TIMP3: variants seen among roughly 807,000 people sequenced by gnomAD.
TIMP3 encodes the protein metalloproteinase inhibitor 3.
Under a neutral mutation model 30.0 loss-of-function variants are expected in TIMP3, and 11 were observed. The observed-to-expected ratio is 0.37, with a 90% CI of 0.23 to 0.61. The LOEUF is 0.61. Ranked by LOEUF, TIMP3 falls within the 20% of genes least tolerant of loss-of-function variation. The probability of loss-of-function intolerance (pLI) is 0.70; values close to 1 mark genes in which losing one functional copy is unlikely to be tolerated. For missense variants in TIMP3, 181 were observed against 276.8 expected (o/e 0.65, Z 2.45); for synonymous variants, 112 against 111.3 (o/e 1.01, Z -0.04).
chr22:32,813,532 CA>C (rs2046972241), intron 1 of TIMP3, among the ~76,000 whole-genome samples: 1 of 144,880 alleles, frequency 6.9e-6, no homozygotes, highest in African/African-American at 2.6e-5. Flanking sequence ...CACACACACA[CA>C]CACGTGGACC....
At chr22:32,803,781 T>C (rs1182872315) in intron 1 of TIMP3, among the ~76,000 whole-genome samples, 1 of 152,162 alleles carries the variant, frequency 6.6e-6, no homozygotes, top group Non-Finnish European at 1.5e-5. Context: ...GGAATCAGGG[T>C]GTGCAGGGGT....
At chr22:32,845,920 A>G (rs2146222132) in intron 1 of TIMP3, among the ~76,000 whole-genome samples, 1 of 152,320 alleles carries the variant, frequency 6.6e-6, no homozygotes, top group East Asian at 1.9e-4. Flanking sequence ...ACAAAATAGC[A>G]CACATTTGAA....
rs138167355 is a variant in TIMP3, at chr22:32,856,108, C to T, written c.205-1141C>T. ...CCCTCCCAGGGCTCTTTTAAGGATA[C>T]TGCAAGGAGAATGTGAGTGAGAATG... On this transcript the variant is annotated intron_variant, in intron 2 of 4. Transcript: ENST00000266085. Among the ~76,000 whole-genome samples, 31 of 152,266 alleles carry T rather than the reference C, an allele frequency of 2.0e-4. 1 individual carries two copies. The East Asian group carries it at 5.8e-3, about 29-fold the overall frequency.
intron 1 of TIMP3, among the ~76,000 whole-genome samples, chr22:32,839,153 C>T (rs1404083300): frequency 6.6e-6 from 1 of 151,940 alleles, no homozygotes; most frequent in Admixed American, 6.6e-5. Flanking sequence ...GGGCTGGAAG[C>T]TTCAGAGTGA....
intron 1 of TIMP3, among the ~76,000 whole-genome samples, chr22:32,830,069 G>A (rs753139935): frequency 1.3e-5 from 2 of 152,180 alleles, no homozygotes; most frequent in African/African-American, 2.4e-5. Flanking sequence ...TGGGGCAGCC[G>A]ACATTTCAGG....
In TIMP3 at chr22:32,802,025, C is replaced by G; in HGVS notation, c.24C>G (p.Ile8Met). The G allele has an allele frequency of 6.3e-7, 1 of 1,576,918 alleles. No individual in the cohort carries two copies. The change falls in exon 1 of 5, where the codon ATC (isoleucine) becomes ATG (methionine). Residue 8 changes from isoleucine to methionine, a missense_variant. Coordinates refer to ENST00000266085, the MANE Select transcript of TIMP3 (RefSeq NM_000362.5). MTPWLGL[I>M]VLLGSWSLGD... ...CAATGACCCCTTGGCTCGGGCTCAT[C>G]GTGCTCCTGGGCAGCTGGAGCCTGG...
In TIMP3 at chr22:32,819,375, C is replaced by T. The variant is rs190476976; in HGVS notation, c.121+17253C>T. 1.4e-3 allele frequency among the ~76,000 whole-genome samples: 216 copies of T among 152,322 alleles called. 2 individuals carry two copies. Among genetic ancestry groups the T allele is most frequent in the Middle Eastern group, 6.8e-3 (2 of 294 alleles). On this transcript the variant is annotated intron_variant, in intron 1 of 4. Coordinates refer to ENST00000266085, the MANE Select transcript of TIMP3 (RefSeq NM_000362.5). ...GCGGTCTCCTTCTCGAGGCCCAGCC[C>T]GGCCCCATATTGGAGGCCAAACATG...
intron 1 of TIMP3, among the ~76,000 whole-genome samples, chr22:32,823,752 G>T (rs2047321709): frequency 6.6e-6 from 1 of 152,038 alleles, no homozygotes; most frequent in South Asian, 2.1e-4. Flanking sequence ...GACTTGGAGT[G>T]AAAAGACGTG....
intron 1 of TIMP3, among the ~76,000 whole-genome samples, chr22:32,828,994 C>T (rs955517380): frequency 1.3e-5 from 2 of 152,138 alleles, no homozygotes; most frequent in African/African-American, 2.4e-5. Context: ...GCCCCAGGAG[C>T]GGTCTTGAGG....
chr22:32,818,743 G>A (rs1317020788), intron 1 of TIMP3, among the ~76,000 whole-genome samples: 2 of 152,180 alleles, frequency 1.3e-5, no homozygotes, highest in Non-Finnish European at 2.9e-5. Flanking sequence ...GGCCTAGGGG[G>A]AAAGTCTCAG....
Position 32,845,275 on chromosome 22 carries a change from C to T in TIMP3, c.122-4177C>T, listed in dbSNP as rs979806462. On this transcript the variant is annotated intron_variant, in intron 1 of 4. Transcript: ENST00000266085. ...ACGGTGATGCAATCTCGGCTCACTG[C>T]AACCTCCACCTCCTGGGTTCAAGTG... Among the ~76,000 whole-genome samples, 14 of 152,136 alleles carry T rather than the reference C, an allele frequency of 9.2e-5. No homozygotes were observed. The South Asian group carries it at 2.7e-3, about 29-fold the overall frequency.
intron 2 of TIMP3, among the ~76,000 whole-genome samples, chr22:32,855,879 C>A (rs1244500916): frequency 6.6e-6 from 1 of 152,158 alleles, no homozygotes; most frequent in East Asian, 1.9e-4. Flanking sequence ...AGCAATTTCA[C>A]GTGGTTCAAT....
intron 1 of TIMP3, among the ~76,000 whole-genome samples, chr22:32,815,038 C>G (rs2047050717): frequency 6.6e-6 from 1 of 152,192 alleles, no homozygotes; most frequent in Non-Finnish European, 1.5e-5. Flanking sequence ...GTATTTTACA[C>G]TCATAGCATA....
chr22:32,859,218 C>T lies in TIMP3; in HGVS notation c.477C>T (p.Ser159=), dbSNP rs2048465697. 2.5e-6 allele frequency: 4 copies of T among 1,614,196 alleles called. No homozygotes were observed. Among genetic ancestry groups the T allele is most frequent in the East Asian group, 4.5e-5 (2 of 44,874 alleles). ...SCYYLPCFVT[S]KNECLWTDML... is the part of the protein sequence containing the mutation. ...ACTACCTGCCTTGCTTTGTGACTTC[C>T]AAGAACGAGTGTCTCTGGACCGACA... Residue 159 remains serine, a synonymous_variant, in exon 5 of 5, where the codon TCC becomes TCT. Coordinates refer to ENST00000266085, the MANE Select transcript of TIMP3 (RefSeq NM_000362.5).
intron 2 of TIMP3, among the ~76,000 whole-genome samples, chr22:32,851,296 A>G (rs1254957341): frequency 6.6e-6 from 1 of 152,160 alleles, no homozygotes; most frequent in Non-Finnish European, 1.5e-5. Flanking sequence ...TGAGAGGGAA[A>G]TAGCTGGGAG....
chr22:32,852,106 A>T (rs1227090340), intron 2 of TIMP3, among the ~76,000 whole-genome samples: 2 of 152,226 alleles, frequency 1.3e-5, no homozygotes, highest in Non-Finnish European at 2.9e-5. Flanking sequence ...ATAGATCAGT[A>T]CTTATACTAA....
At chr22:32,817,494 A>C (rs190495320) in intron 1 of TIMP3, among the ~76,000 whole-genome samples, 87 of 152,248 alleles carry the variant, frequency 5.7e-4, no homozygotes, top group African/African-American at 1.9e-3. Context: ...AGGGAAGAAG[A>C]AATTAGGAAG....
rs2048580333 is a variant in TIMP3, at chr22:32,862,744, T to G, written c.*3367T>G. 1 of 152,588 alleles carries G rather than the reference T, an allele frequency of 6.6e-6. No homozygotes were observed. Among genetic ancestry groups the G allele is most frequent in the Non-Finnish European group, 1.5e-5 (1 of 68,044 alleles). 9.5% of individuals were successfully genotyped at this position (152,588 alleles called of 1,614,324 possible). A position where few individuals can be genotyped will look rare whatever the true frequency, so the allele number is the denominator to read the frequency against. ...GAGAGGAAGGGGAGAACTTGGAGAATAGTTTTTGCTTTGGGGGTAGAGGCT... is the reference window on the plus strand; with the variant it reads ...GAGAGGAAGGGGAGAACTTGGAGAAGAGTTTTTGCTTTGGGGGTAGAGGCT... On this transcript the variant is annotated 3_prime_UTR_variant, in exon 5 of 5. Transcript: ENST00000266085.
At chr22:32,825,130 G>A (rs242084) in intron 1 of TIMP3, among the ~76,000 whole-genome samples, 138,153 of 151,830 alleles carry the variant, frequency 0.91, 62,920 homozygotes, top group Middle Eastern at 0.94. Flanking sequence ...GGTAGGGACA[G>A]GGGCAGTGGG....
Sources: allele counts gnomAD v4.1 joint callset (sites outside exome capture counted in the v4.1 genomes callset), GRCh38; gene constraint gnomAD v4.1.1; transcripts MANE v1.5; gene names NCBI Gene and HGNC (gene_info 2026-07-23, HGNC 2026-07-21).